Variants in CCDC91 observed in about 807,000 individuals in gnomAD.
CCDC91 encodes the protein coiled-coil domain-containing protein 91.
CCDC91 carries 48 observed loss-of-function variants against 63.2 expected under a neutral mutation model. That is an observed-to-expected ratio of 0.76 (90% CI 0.60 to 0.97). The LOEUF is 0.97. Among genes scored for constraint, CCDC91 ranks in the 50% least tolerant of loss-of-function variants. CCDC91 has a pLI of 0.00. For synonymous variants in CCDC91, 167 were observed against 165.8 expected (o/e 1.01, Z -0.06); for missense variants, 500 against 494.6 (o/e 1.01, Z -0.10).
intron 11 of CCDC91, 109 bp from the exon 12 acceptor site, chr12:28,483,943 A>C: frequency 5.1e-6 from 3 of 587,260 alleles, no homozygotes; most frequent in Non-Finnish European, 9.1e-6. Flanking sequence ...GTACACTTTG[A>C]ATAGAATGAG....
intron 8 of CCDC91, among the ~76,000 whole-genome samples, chr12:28,404,516 C>G (rs1946816589): frequency 6.6e-6 from 1 of 151,996 alleles, no homozygotes; most frequent in Non-Finnish European, 1.5e-5. Context: ...TTGAGTTGAT[C>G]TTGGTGTTGT....
chr12:28,485,299 C>A (rs561856365), intron 12 of CCDC91, among the ~76,000 whole-genome samples: 1 of 151,966 alleles, frequency 6.6e-6, no homozygotes, highest in Middle Eastern at 3.2e-3. Flanking sequence ...GCTGAAATTA[C>A]AGGCGCCTGC....
intron 11 of CCDC91, 57 bp downstream of exon 11, chr12:28,452,711 A>G: frequency 1.1e-6 from 1 of 892,948 alleles, no homozygotes; most frequent in Non-Finnish European, 1.6e-6. Flanking sequence ...TCTCAAAATG[A>G]AGTACCCTTA....
chr12:28,234,326 G>A (rs1272580463), intron 1 of CCDC91, among the ~76,000 whole-genome samples: 1 of 151,978 alleles, frequency 6.6e-6, no homozygotes, highest in Non-Finnish European at 1.5e-5. Flanking sequence ...TAATTTCTAA[G>A]TGTAGTGAGA....
At chr12:28,546,772 C>G (rs75235066) in intron 12 of CCDC91, among the ~76,000 whole-genome samples, 1 of 152,010 alleles carries the variant, frequency 6.6e-6, no homozygotes, top group African/African-American at 2.4e-5. Context: ...CACTGATCCT[C>G]TATAACACTG....
chr12:28,476,944 C>T (rs1951131682), intron 11 of CCDC91, among the ~76,000 whole-genome samples: 1 of 152,100 alleles, frequency 6.6e-6, no homozygotes, highest in African/African-American at 2.4e-5. Flanking sequence ...TCTGAGTAGA[C>T]CAATAACAGG....
intron 3 of CCDC91, chr12:28,302,769 G>C (rs2137018294): frequency 1.0e-5 from 3 of 289,982 alleles, no homozygotes; most frequent in South Asian, 2.7e-4. Context: ...GGGCAAGCTT[G>C]GTATACCTGT....
intron 8 of CCDC91, among the ~76,000 whole-genome samples, chr12:28,409,557 T>C (rs987506121): frequency 6.6e-6 from 1 of 152,120 alleles, no homozygotes; most frequent in Non-Finnish European, 1.5e-5. Context: ...TGATTTCTTC[T>C]GAAACCTTTA....
At chr12:28,422,237 A>C (rs1422755912) in intron 8 of CCDC91, among the ~76,000 whole-genome samples, 1 of 152,178 alleles carries the variant, frequency 6.6e-6, no homozygotes, top group Admixed American at 6.6e-5. Flanking sequence ...TGGCTTTCTT[A>C]TACAATTCAA....
At chr12:28,216,647 T>C (rs1371203260) in intron 1 of CCDC91, among the ~76,000 whole-genome samples, 1 of 144,750 alleles carries the variant, frequency 6.9e-6, no homozygotes, top group Non-Finnish European at 1.6e-5. Flanking sequence ...TATAGTTATA[T>C]ATTTTTTATT....
intron 12 of CCDC91, among the ~76,000 whole-genome samples, chr12:28,544,027 T>G (rs1942812681): frequency 6.6e-6 from 1 of 151,740 alleles, no homozygotes; most frequent in South Asian, 2.1e-4. Context: ...TCTTCCACTC[T>G]TGTCCCGCTA....
intron 3 of CCDC91, among the ~76,000 whole-genome samples, chr12:28,304,406 A>G (rs1938470685): frequency 1.4e-5 from 2 of 140,132 alleles, no homozygotes; most frequent in African/African-American, 5.0e-5. Flanking sequence ...AAAAAAGAAA[A>G]AAAAAAAAAG....
At chr12:28,514,914 GAT>G (rs1262480064) in intron 12 of CCDC91, among the ~76,000 whole-genome samples, 4 of 151,754 alleles carry the variant, frequency 2.6e-5, no homozygotes, top group African/African-American at 9.7e-5. Context: ...ATGACTAATG[GAT>G]ACTAGGTTTA....
intron 3 of CCDC91, among the ~76,000 whole-genome samples, chr12:28,282,870 G>A (rs889052891): frequency 6.6e-6 from 1 of 151,950 alleles, no homozygotes; most frequent in Non-Finnish European, 1.5e-5. Flanking sequence ...TACATCTTGG[G>A]TTAGTTTTTA....
At chr12:28,275,003 C>T (rs1948095728) in intron 3 of CCDC91, among the ~76,000 whole-genome samples, 1 of 151,662 alleles carries the variant, frequency 6.6e-6, no homozygotes, top group African/African-American at 2.4e-5. Flanking sequence ...ACTAAATGCC[C>T]ACGAGAGAAA....
At chr12:28,489,144 G>T (rs1398036601) in intron 12 of CCDC91, among the ~76,000 whole-genome samples, 3 of 151,886 alleles carry the variant, frequency 2.0e-5, no homozygotes, top group South Asian at 4.1e-4. Flanking sequence ...ATCTTGCGGG[G>T]AAAGTTTCTT....
intron 12 of CCDC91, among the ~76,000 whole-genome samples, chr12:28,545,482 G>C (rs1486797390): frequency 6.6e-6 from 1 of 152,026 alleles, no homozygotes; most frequent in Admixed American, 6.6e-5. Flanking sequence ...GCCCAAGAAG[G>C]ACCCACAAAA....
chr12:28,297,312 CTGTT>C (rs769514880), intron 3 of CCDC91, among the ~76,000 whole-genome samples: 6 of 151,794 alleles, frequency 4.0e-5, no homozygotes, highest in Non-Finnish European at 5.9e-5. Context: ...AAATTGCACA[CTGTT>C]TGGAAACTTG....
chr12:28,220,400 C>T (rs1416481008), intron 1 of CCDC91, among the ~76,000 whole-genome samples: 2 of 152,038 alleles, frequency 1.3e-5, no homozygotes, highest in Non-Finnish European at 2.9e-5. Context: ...TTTCATCTCT[C>T]ATTGTGGTAT....
Sources: allele counts gnomAD v4.1 joint callset (sites outside exome capture counted in the v4.1 genomes callset), GRCh38; gene constraint gnomAD v4.1.1; transcripts MANE v1.5; gene names NCBI Gene and HGNC (gene_info 2026-07-23, HGNC 2026-07-21).